The following ATRNL1 variants were observed in gnomAD, a reference collection of about 807,000 sequenced individuals.
The protein encoded by ATRNL1 is attractin-like protein 1.
Under a neutral mutation model 182.7 loss-of-function variants are expected in ATRNL1, and 95 were observed. That is an observed-to-expected ratio of 0.52 (90% CI 0.44 to 0.62). The LOEUF is 0.62. Among genes scored for constraint, ATRNL1 ranks in the 20% least tolerant of loss-of-function variants. ATRNL1 has a pLI of 0.00. For missense variants in ATRNL1, 1,471 were observed against 1,679.5 expected, an observed-to-expected ratio of 0.88 and a Z score of 2.17; for synonymous variants, 576 against 568.3, an observed-to-expected ratio of 1.01 and a Z score of -0.19.
intron 5 of ATRNL1, among the ~76,000 whole-genome samples, chr10:115,140,800 T>G (rs1845726070): frequency 1.3e-5 from 2 of 152,170 alleles, no homozygotes. Context: ...TATCTGGAAA[T>G]GTAAATCATG....
chr10:115,363,255 A>G (rs1196895824), intron 19 of ATRNL1, among the ~76,000 whole-genome samples: 1 of 152,026 alleles, frequency 6.6e-6, no homozygotes, highest in African/African-American at 2.4e-5. Flanking sequence ...TTTGATTTGC[A>G]TTTCTCTGGT....
At chr10:115,309,086 G>C (rs1554927085) in intron 17 of ATRNL1, among the ~76,000 whole-genome samples, 2 of 151,894 alleles carry the variant, frequency 1.3e-5, no homozygotes, top group African/African-American at 4.8e-5. Flanking sequence ...CTTTATATCT[G>C]GGTTCTCTAT....
chr10:115,677,235 T>C (rs782661781), intron 26 of ATRNL1, among the ~76,000 whole-genome samples: 1 of 152,126 alleles, frequency 6.6e-6, no homozygotes, highest in Non-Finnish European at 1.5e-5. Context: ...ATTTCAGGGC[T>C]GCTCCATGAA....
chr10:115,164,071 A>G (rs1554883840), intron 6 of ATRNL1, among the ~76,000 whole-genome samples: 3 of 152,154 alleles, frequency 2.0e-5, no homozygotes, highest in Non-Finnish European at 4.4e-5. Context: ...GCTTCTTAAA[A>G]CAGGCTCCTG....
chr10:115,642,973 C>T (rs1555030972), intron 26 of ATRNL1, among the ~76,000 whole-genome samples: 1 of 152,132 alleles, frequency 6.6e-6, no homozygotes, highest in African/African-American at 2.4e-5. Context: ...TTCGAGGTTT[C>T]TACTGGCAGC....
At chr10:115,159,521 T>TA (rs529817612) in intron 5 of ATRNL1, among the ~76,000 whole-genome samples, 73 of 151,374 alleles carry the variant, frequency 4.8e-4, no homozygotes, top group African/African-American at 1.6e-3. Flanking sequence ...TTAATAATGC[T>TA]AAAAAAAATG....
chr10:115,577,166 T>G (rs2133876003), intron 26 of ATRNL1, among the ~76,000 whole-genome samples: 1 of 152,040 alleles, frequency 6.6e-6, no homozygotes, highest in South Asian at 2.1e-4. Flanking sequence ...AAGTGATATG[T>G]TTCCAACTTT....
chr10:115,412,832 T>C (rs1048958237), intron 20 of ATRNL1, among the ~76,000 whole-genome samples: 4 of 152,206 alleles, frequency 2.6e-5, no homozygotes, highest in Admixed American at 1.3e-4. Context: ...ATTTACATTT[T>C]ATATCTGCAA....
At chr10:115,662,014 T>G (rs1239146654) in intron 26 of ATRNL1, among the ~76,000 whole-genome samples, 1 of 149,324 alleles carries the variant, frequency 6.7e-6, no homozygotes, top group Non-Finnish European at 1.5e-5. Flanking sequence ...CACCTATGAG[T>G]GAGAACATGC....
chr10:115,732,568 A>G lies in ATRNL1; in HGVS notation c.3903+5213A>G, dbSNP rs183960735. On this transcript the variant is annotated intron_variant, in intron 27 of 28. Transcript: ENST00000355044. The stretch of plus-strand genomic sequence containing the variant: ...CTCAATCTCATTTGAGTCTTAAGTC[A>G]ATCCTATAAAATAAGCAGAACATAT... 3.5e-3 allele frequency among the ~76,000 whole-genome samples: 539 copies of G among 152,306 alleles called. 3 individuals carry two copies. Among genetic ancestry groups the G allele is most frequent in the Middle Eastern group, 0.014 (4 of 294 alleles).
At chr10:115,780,325 C>T (rs1452033566) in intron 27 of ATRNL1, among the ~76,000 whole-genome samples, 1 of 152,186 alleles carries the variant, frequency 6.6e-6, no homozygotes, top group African/African-American at 2.4e-5. Context: ...ATTAGCAAGC[C>T]TCAACACCAC....
intron 27 of ATRNL1, among the ~76,000 whole-genome samples, chr10:115,828,838 T>C (rs561933970): frequency 6.6e-6 from 1 of 152,238 alleles, no homozygotes; most frequent in East Asian, 1.9e-4. Flanking sequence ...GCAGGACAAA[T>C]CTAAGAGTCT....
At chr10:115,203,624 G>C (rs1181468303) in intron 8 of ATRNL1, among the ~76,000 whole-genome samples, 1 of 145,746 alleles carries the variant, frequency 6.9e-6, no homozygotes, top group Non-Finnish European at 1.5e-5. Flanking sequence ...CTGTCACCCA[G>C]GCTAGAGTGT....
At chr10:115,826,442 G>A (rs1339633295) in intron 27 of ATRNL1, among the ~76,000 whole-genome samples, 2 of 152,066 alleles carry the variant, frequency 1.3e-5, no homozygotes, top group East Asian at 1.9e-4. Flanking sequence ...CCTGCAGCTC[G>A]GTGAGCTGGA....
At chr10:115,677,544 C>T (rs975482491) in intron 26 of ATRNL1, among the ~76,000 whole-genome samples, 6 of 152,038 alleles carry the variant, frequency 3.9e-5, no homozygotes, top group Admixed American at 1.3e-4. Context: ...ACAAGTCTCA[C>T]GAGATCTGAT....
At chr10:115,540,541 C>T (rs956538443) in intron 25 of ATRNL1, among the ~76,000 whole-genome samples, 1 of 151,992 alleles carries the variant, frequency 6.6e-6, no homozygotes, top group Admixed American at 6.6e-5. Context: ...GCAGGTGGAT[C>T]ACGAGGTCAG....
At chr10:115,148,851 G>A (rs1846089852) in intron 5 of ATRNL1, among the ~76,000 whole-genome samples, 2 of 148,872 alleles carry the variant, frequency 1.3e-5, no homozygotes, top group Non-Finnish European at 3.0e-5. Flanking sequence ...CCAGGTTCAA[G>A]TGATTCTCCT....
chr10:115,743,151 C>A (rs2134100966), intron 27 of ATRNL1, among the ~76,000 whole-genome samples: 1 of 149,352 alleles, frequency 6.7e-6, no homozygotes, highest in Non-Finnish European at 1.5e-5. Flanking sequence ...CCCAGGACAC[C>A]ACACATGGGG....
intron 5 of ATRNL1, among the ~76,000 whole-genome samples, chr10:115,146,600 A>T (rs1845982430): frequency 6.6e-6 from 1 of 152,018 alleles, no homozygotes; most frequent in African/African-American, 2.4e-5. Flanking sequence ...TCCATTAGCC[A>T]ATGTCTGTCC....
Sources: gnomAD v4.1 joint callset for allele counts (sites outside exome capture counted in the v4.1 genomes callset) on GRCh38, gnomAD v4.1.1 for gene constraint, MANE v1.5 for transcripts, NCBI Gene and HGNC (gene_info 2026-07-23, HGNC 2026-07-21) for gene names.